Variants in ARNT2 observed in about 807,000 individuals in gnomAD.
ARNT2 encodes the protein aryl hydrocarbon receptor nuclear translocator 2.
Under a neutral mutation model 91.7 loss-of-function variants are expected in ARNT2, and 36 were observed. The observed-to-expected ratio is 0.39, with a 90% CI of 0.30 to 0.52. ARNT2 has a LOEUF of 0.52. Ranked by LOEUF, ARNT2 falls within the 20% of genes least tolerant of loss-of-function variation. The pLI is 0.72. For synonymous variants in ARNT2, 365 were observed against 347.1 expected (o/e 1.05, Z -0.57); for missense variants, 775 against 939.3 (o/e 0.83, Z 2.29).
At chr15:80,543,112 A>G (rs962612508) in intron 8 of ARNT2, among the ~76,000 whole-genome samples, 35 of 144,522 alleles carry the variant, frequency 2.4e-4, no homozygotes, top group Non-Finnish European at 3.9e-4. Flanking sequence ...AAAAAAAAAA[A>G]AAAAAAAAAG....
intron 11 of ARNT2, chr15:80,560,087 C>T (rs576138634): frequency 2.6e-4 from 40 of 152,488 alleles, no homozygotes; most frequent in African/African-American, 9.4e-4. Flanking sequence ...CCATTTCCCT[C>T]CAGGAGCCGT....
In ARNT2 at chr15:80,472,000, G is replaced by A. The variant is rs543034522; in HGVS notation, c.408+1569G>A. Reference sequence around the variant, plus strand: ...TGGCAAATACTCTAAGCTTCAGTGTGCTCATCTGTGAAATGAACATAAAGC... The same window carrying A: ...TGGCAAATACTCTAAGCTTCAGTGTACTCATCTGTGAAATGAACATAAAGC... On this transcript the variant is annotated intron_variant, in intron 4 of 18. Coordinates refer to ENST00000303329, the MANE Select transcript of ARNT2 (RefSeq NM_014862.4). Among the ~76,000 whole-genome samples the A allele has an allele frequency of 2.6e-5, 4 of 152,246 alleles. No individual in the cohort carries two copies. In the East Asian group the frequency reaches 7.7e-4, roughly 29 times the overall value.
intron 1 of ARNT2, among the ~76,000 whole-genome samples, chr15:80,440,051 G>A (rs1896164558): frequency 6.6e-6 from 1 of 152,150 alleles, no homozygotes; most frequent in African/African-American, 2.4e-5. Context: ...CTAGACTCAG[G>A]TCTTGGTAGG....
Position 80,591,722 on chromosome 15 carries a change from C to T in ARNT2, c.2055+18C>T, listed in dbSNP as rs557855973. On this transcript the variant is annotated intron_variant, in intron 18 of 18. Transcript: ENST00000303329. The surrounding 1 kb of genome is among the most constrained non-coding windows in gnomAD (Gnocchi z 5.1). ...TGTTCCAGGTAAATCGAGCGAGCAC[C>T]GCCTTCTCGTAGGTACCGGCGCCTT... The T allele has an allele frequency of 3.1e-6, 5 of 1,613,596 alleles. No individual in the cohort carries two copies. Among genetic ancestry groups the T allele is most frequent in the Non-Finnish European group, 4.2e-6 (5 of 1,179,622 alleles).
At chr15:80,538,921 A>G (rs1897863760) in intron 8 of ARNT2, among the ~76,000 whole-genome samples, 2 of 152,160 alleles carry the variant, frequency 1.3e-5, no homozygotes, top group Non-Finnish European at 2.9e-5. Context: ...ATGAACAAAT[A>G]GTGTGCATAA....
intron 8 of ARNT2, among the ~76,000 whole-genome samples, chr15:80,539,107 G>A (rs369611096): frequency 6.6e-6 from 1 of 151,968 alleles, no homozygotes; most frequent in African/African-American, 2.4e-5. Flanking sequence ...ATGGTTCCAG[G>A]CCTTGAAAGC....
chr15:80,592,779 T>C (rs1012123663), intron 18 of ARNT2, among the ~76,000 whole-genome samples: 4 of 152,228 alleles, frequency 2.6e-5, no homozygotes, highest in African/African-American at 4.8e-5. Flanking sequence ...ACAGCAACCC[T>C]GTAAGGCAGA....
intron 11 of ARNT2, among the ~76,000 whole-genome samples, chr15:80,558,016 C>T (rs565071508): frequency 8.0e-4 from 122 of 152,326 alleles, no homozygotes; most frequent in African/African-American, 2.8e-3. Context: ...ACTCTTGAGT[C>T]ACGCTGGCCT....
chr15:80,497,615 G>C lies in ARNT2; in HGVS notation c.623-10541G>C, dbSNP rs117859128. 7.3e-3 allele frequency among the ~76,000 whole-genome samples: 1,108 copies of C among 152,346 alleles called. 5 individuals carry two copies. The highest frequency in any genetic ancestry group is 0.014 in the South Asian group (66 of 4,832). ...TAATAAATGGGTGCTGTTTTAAGCT[G>C]CTGAGTTGCTACATGGCCATGGAAA... On this transcript the variant is annotated intron_variant, in intron 5 of 18. Coordinates refer to ENST00000303329, the MANE Select transcript of ARNT2 (RefSeq NM_014862.4).
At chr15:80,454,492 T>C (rs990281941) in intron 2 of ARNT2, among the ~76,000 whole-genome samples, 1 of 152,248 alleles carries the variant, frequency 6.6e-6, no homozygotes, top group African/African-American at 2.4e-5. Flanking sequence ...GCCATCTCCC[T>C]CTAAGGTAAC....
At position 80,492,048 on chromosome 15, in the gene ARNT2, CT is replaced by C. The variant is rs1034065093; in HGVS notation, c.623-16099del. Among the ~76,000 whole-genome samples the C allele has an allele frequency of 3.3e-5, 5 of 150,728 alleles. No individual in the cohort carries two copies. In the South Asian group the frequency reaches 8.4e-4, roughly 25 times the overall value. ...AGTGTCCTTCTTTCTTTCTTTCTTTCTTTTTTTTTCTAGACAGGGTCTTCTT... is the reference window on the plus strand; with the variant it reads ...AGTGTCCTTCTTTCTTTCTTTCTTTCTTTTTTTTCTAGACAGGGTCTTCTT... On this transcript the variant is annotated intron_variant, in intron 5 of 18. Transcript: ENST00000303329.
chr15:80,466,493 G>A (rs922812666), intron 3 of ARNT2, among the ~76,000 whole-genome samples: 1 of 152,208 alleles, frequency 6.6e-6, no homozygotes, highest in Non-Finnish European at 1.5e-5. Flanking sequence ...CCCCGAGCAA[G>A]CATGTGGTAC....
At chr15:80,562,269 T>C (rs1195749944) in intron 11 of ARNT2, among the ~76,000 whole-genome samples, 1 of 152,126 alleles carries the variant, frequency 6.6e-6, no homozygotes, top group Non-Finnish European at 1.5e-5. Context: ...GGTTTTGCCA[T>C]GTTGGCCAGG....
chr15:80,484,163 G>T, intron 5 of ARNT2, among the ~76,000 whole-genome samples: 1 of 148,704 alleles, frequency 6.7e-6, no homozygotes, highest in African/African-American at 2.5e-5. Flanking sequence ...GCTATATTAG[G>T]TAACATATAT....
At chr15:80,474,869 C>G in intron 4 of ARNT2, 141 bp from the exon 5 acceptor site, 1 of 898,846 alleles carries the variant, frequency 1.1e-6, no homozygotes, top group Non-Finnish European at 1.7e-6. Flanking sequence ...TTTCCAGAAA[C>G]AAAGTTCTCA....
At chr15:80,507,974 G>A (rs1897296094) in intron 5 of ARNT2, among the ~76,000 whole-genome samples, 182 bp from the exon 6 acceptor site, 1 of 152,110 alleles carries the variant, frequency 6.6e-6, no homozygotes, top group Admixed American at 6.6e-5. Flanking sequence ...TGAACTGTAT[G>A]GATTTCATCA....
chr15:80,413,925 A>G (rs754268177), intron 1 of ARNT2, among the ~76,000 whole-genome samples: 11 of 152,222 alleles, frequency 7.2e-5, no homozygotes, highest in South Asian at 2.1e-4. Context: ...AACAGCAGTT[A>G]AAAAAGCCAC....
intron 18 of ARNT2, among the ~76,000 whole-genome samples, chr15:80,592,003 G>T (rs948826558): frequency 6.6e-6 from 1 of 152,090 alleles, no homozygotes; most frequent in African/African-American, 2.4e-5. Context: ...CAAAACCAAG[G>T]CCAAAGGGGG....
intron 12 of ARNT2, among the ~76,000 whole-genome samples, chr15:80,570,698 T>G (rs1007230610): frequency 2.0e-5 from 3 of 152,200 alleles, no homozygotes; most frequent in Non-Finnish European, 4.4e-5. Flanking sequence ...ACTGTACCCT[T>G]GGATAGAACC....
Sources: allele counts gnomAD v4.1 joint callset (sites outside exome capture counted in the v4.1 genomes callset), GRCh38; gene constraint gnomAD v4.1.1; non-coding constraint Gnocchi (gnomAD v3.1); transcripts MANE v1.5; gene names NCBI Gene and HGNC (gene_info 2026-07-23, HGNC 2026-07-21).